PLA2G4C: variants seen among roughly 807,000 people sequenced by gnomAD.
PLA2G4C encodes the protein phospholipase A2 group IVC.
Under a neutral mutation model 73.8 loss-of-function variants are expected in PLA2G4C, and 64 were observed. That is an observed-to-expected ratio of 0.87 (90% CI 0.71 to 1.07). The LOEUF is 1.07. Ranked by LOEUF, PLA2G4C falls within the 50% of genes least tolerant of loss-of-function variation. The pLI is 0.00. For missense variants in PLA2G4C, 622 were observed against 665.4 expected (o/e 0.93, Z 0.72); for synonymous variants, 254 against 252.1 (o/e 1.01, Z -0.07).
At chr19:48,067,140 C>G (rs1188761388) in intron 13 of PLA2G4C, among the ~76,000 whole-genome samples, 1 of 151,472 alleles carries the variant, frequency 6.6e-6, no homozygotes. Flanking sequence ...GAGGGTCAGT[C>G]CCCTGAAGGG....
At chr19:48,052,906 T>A in intron 16 of PLA2G4C, 91 bp downstream of exon 16, 1 of 1,399,402 alleles carries the variant, frequency 7.1e-7, no homozygotes, top group Non-Finnish European at 9.8e-7. Flanking sequence ...TTTTCACCCA[T>A]GCAACCCTCC....
Position 48,106,537 on chromosome 19 carries a change from T to C in PLA2G4C, c.-8A>G. 1 of 1,613,024 alleles carries C rather than the reference T, an allele frequency of 6.2e-7. No homozygotes were observed. The highest frequency in any genetic ancestry group is 8.5e-7 in the Non-Finnish European group (1 of 1,178,956). ...GAGGACTTACCTTCCCATGGTGCAC[T>C]GCGGTCAGAAAATTCTCAGTCCTCC... On this transcript the variant is annotated 5_prime_UTR_variant, in exon 2 of 17. Transcript: ENST00000599921.
intron 4 of PLA2G4C, 119 bp downstream of exon 4, chr19:48,104,469 C>A (rs251672): frequency 1.1e-5 from 10 of 928,134 alleles, no homozygotes; most frequent in Admixed American, 2.1e-5. Flanking sequence ...GGACACCCAG[C>A]TAGTACCAGA....
chr19:48,110,547 G>GCGGAGGCTTGGGCTCCGGAATCCGGTT lies in PLA2G4C; in HGVS notation c.-94_-93insAACCGGATTCCGGAGCCCAAGCCTCCG. The stretch of plus-strand genomic sequence containing the variant: ...TGGAGCTTGTGCTCCGGAATCCGGT[G>GCGGAGGCTTGGGCTCCGGAATCCGGTT]CGGAGGCTTGGGCTCCCTGCGCTTA... On this transcript the variant is annotated 5_prime_UTR_variant, in exon 1 of 17. Transcript: ENST00000599921. The GCGGAGGCTTGGGCTCCGGAATCCGGTT allele has an allele frequency of 2.6e-6, 4 of 1,525,916 alleles. 1 individual carries two copies. The highest frequency in any genetic ancestry group is 2.6e-6 in the Non-Finnish European group (3 of 1,140,296). 94.5% of individuals were successfully genotyped at this position (1,525,916 alleles called of 1,614,324 possible).
intron 10 of PLA2G4C, among the ~76,000 whole-genome samples, chr19:48,080,803 CA>C (rs200460762): frequency 0.3 from 35,240 of 115,580 alleles, 4,559 homozygotes; most frequent in East Asian, 0.54. Context: ...GACTCTGCCT[CA>C]AAAAAAAAAA....
intron 4 of PLA2G4C, chr19:48,103,364 T>A (rs1186388689): frequency 2.0e-5 from 3 of 152,296 alleles, no homozygotes; most frequent in Non-Finnish European, 4.4e-5. Flanking sequence ...CCTTTCCCAC[T>A]CCCAAGCTCT....
intron 14 of PLA2G4C, among the ~76,000 whole-genome samples, chr19:48,056,543 A>T (rs1019207415): frequency 6.1e-5 from 9 of 147,224 alleles, no homozygotes; most frequent in African/African-American, 2.0e-4. Context: ...AGCAAGAAAG[A>T]GGCTGGGCAT....
intron 16 of PLA2G4C, among the ~76,000 whole-genome samples, chr19:48,050,909 A>C (rs1454477611): frequency 4.0e-5 from 6 of 151,838 alleles, no homozygotes; most frequent in Non-Finnish European, 1.5e-5. Flanking sequence ...TCCTGAGCTC[A>C]AGAGATCTGC....
intron 9 of PLA2G4C, among the ~76,000 whole-genome samples, chr19:48,087,956 C>A (rs962134281): frequency 3.4e-5 from 5 of 148,900 alleles, no homozygotes; most frequent in African/African-American, 1.2e-4. Context: ...AAAAAAAAAT[C>A]TCGATGCAAC....
chr19:48,068,022 GGGCC>G (rs1344438906), intron 12 of PLA2G4C, 136 bp from the exon 13 acceptor site: 2 of 699,240 alleles, frequency 2.9e-6, no homozygotes, highest in African/African-American at 3.5e-5. Flanking sequence ...AGGTCATTCA[GGGCC>G]GGCGCGTTGG....
rs11564500 is a variant in PLA2G4C, at chr19:48,110,740, A to AG, written c.-287dup. On this transcript the variant is annotated 5_prime_UTR_variant, in exon 1 of 17. Coordinates refer to ENST00000599921, the MANE Select transcript of PLA2G4C (RefSeq NM_003706.3). ...CTGGTCCTGAGCAGGGCCAACCTGG[A>AG]GGTAAAATGGCCCCTGCGCCTTTAA... 0.46 allele frequency: 199,859 copies of AG among 433,546 alleles called. 48,308 individuals are homozygous for AG. The highest frequency in any genetic ancestry group is 0.76 in the East Asian group (21,156 of 27,738). The allele number at this position is 433,546 out of a possible 1,614,324, so 26.9% of individuals were successfully genotyped here. A position where few individuals can be genotyped will look rare whatever the true frequency, so the allele number is the denominator to read the frequency against.
intron 8 of PLA2G4C, among the ~76,000 whole-genome samples, chr19:48,089,067 GT>G (rs1361723296): frequency 6.6e-6 from 1 of 152,186 alleles, no homozygotes; most frequent in Non-Finnish European, 1.5e-5. Context: ...CCATTTGGAG[GT>G]TGGATATAGA....
At chr19:48,089,368 G>A (rs893310893) in intron 8 of PLA2G4C, among the ~76,000 whole-genome samples, 1 of 152,208 alleles carries the variant, frequency 6.6e-6, no homozygotes. Context: ...AGTGAACTGA[G>A]ATCATACCAC....
chr19:48,076,240 A>G (rs1483513136), intron 11 of PLA2G4C, among the ~76,000 whole-genome samples: 1 of 152,228 alleles, frequency 6.6e-6, no homozygotes, highest in Admixed American at 6.5e-5. Context: ...CCACACTTGC[A>G]TCTTCCACAA....
chr19:48,053,968 C>T (rs1967829484), intron 15 of PLA2G4C, among the ~76,000 whole-genome samples: 1 of 152,052 alleles, frequency 6.6e-6, no homozygotes, highest in African/African-American at 2.4e-5. Context: ...GTTGGATATT[C>T]AGGTAGGACA....
At chr19:48,091,022 A>AG (rs1349811528) in intron 7 of PLA2G4C, among the ~76,000 whole-genome samples, 3 of 148,548 alleles carry the variant, frequency 2.0e-5, no homozygotes, top group Non-Finnish European at 4.5e-5. Flanking sequence ...AAAAAAAAAA[A>AG]GTTGCAGCTT....
intron 14 of PLA2G4C, among the ~76,000 whole-genome samples, chr19:48,059,270 C>CAA (rs10686659): frequency 0.63 from 88,011 of 138,898 alleles, 28,474 homozygotes; most frequent in East Asian, 0.78. Context: ...GACTCTGTCT[C>CAA]AAAAAAAAAA....
chr19:48,074,801 C>T lies in PLA2G4C; in HGVS notation c.972G>A (p.Lys324=). The T allele has an allele frequency of 6.2e-7, 1 of 1,613,744 alleles. No individual in the cohort carries two copies. The highest frequency in any genetic ancestry group is 8.5e-7 in the Non-Finnish European group (1 of 1,179,746). ...CGGGGTCCTCATGGGGCTGCTCCTGCTTTTCCAGGGAGGTCCTGGTCCAAT... is the reference window on the plus strand; with the variant it reads ...CGGGGTCCTCATGGGGCTGCTCCTGTTTTTCCAGGGAGGTCCTGGTCCAAT... ...LENWTRTSLE[K]QEQPHEDPER... is the part of the protein sequence containing the mutation. The change falls in exon 12 of 17, where the codon AAG becomes AAA. Residue 324 remains lysine (K), a synonymous_variant. Coordinates refer to ENST00000599921, the MANE Select transcript of PLA2G4C (RefSeq NM_003706.3).
Position 48,048,208 on chromosome 19 carries a change from C to A in PLA2G4C, c.*135G>T, listed in dbSNP as rs1967593096. 1.6e-6 allele frequency: 1 copy of A among 644,228 alleles called. No individual in the cohort carries two copies. The allele number at this position is 644,228 out of a possible 1,614,324, so 39.9% of individuals were successfully genotyped here. Reference sequence around the variant, plus strand: ...AGTCTAGCTGGTCACTGGTGATTGGCCCTGTTAGGACAGCCAAGGTGAACT... The same window carrying A: ...AGTCTAGCTGGTCACTGGTGATTGGACCTGTTAGGACAGCCAAGGTGAACT... On this transcript the variant is annotated 3_prime_UTR_variant, in exon 17 of 17. Coordinates refer to ENST00000599921, the MANE Select transcript of PLA2G4C (RefSeq NM_003706.3).
Sources: gnomAD v4.1 joint callset for allele counts (sites outside exome capture counted in the v4.1 genomes callset) on GRCh38, gnomAD v4.1.1 for gene constraint, MANE v1.5 for transcripts, NCBI Gene and HGNC (gene_info 2026-07-23, HGNC 2026-07-21) for gene names.